CFAP47: variants seen among roughly 807,000 people sequenced by gnomAD.
CFAP47 encodes cilia- and flagella-associated protein 47.
CFAP47 carries 29 observed loss-of-function variants against 148.1 expected under a neutral mutation model. The ratio of observed to expected loss-of-function variants is 0.20; its 90% CI spans 0.15 to 0.27. The LOEUF (loss-of-function observed/expected upper bound fraction) is 0.27, where lower values mean the gene tolerates loss of function less well. CFAP47 is among the 10% of genes least tolerant of loss of function. CFAP47 has a pLI of 1.00. For missense variants in CFAP47, 1,872 were observed against 1,697.5 expected (o/e 1.10, Z -1.81); for synonymous variants, 664 against 577.3 (o/e 1.15, Z -2.15).
At chrX:36,307,176 T>G in intron 55 of CFAP47, among the ~76,000 whole-genome samples, 1 of 111,484 alleles carries the variant, frequency 9.0e-6, no homozygotes, top group Non-Finnish European at 1.9e-5. Flanking sequence ...CTGACTTGAG[T>G]TTTACTACTC....
rs955521517 is a variant in CFAP47 at position 36,376,066 on chromosome X, A to T, written c.9186-3284A>T. Among the ~76,000 whole-genome samples, 4 of 111,455 alleles carry T rather than the reference A, an allele frequency of 3.6e-5. No individual in the cohort carries two copies. The South Asian group carries it at 1.1e-3, about 31-fold the overall frequency. ...TCAGCTGCAGGAGCCAACTATGGACACTTCTGTGGAGGCAGAGGCCAGCTG... is the reference window on the plus strand; with the variant it reads ...TCAGCTGCAGGAGCCAACTATGGACTCTTCTGTGGAGGCAGAGGCCAGCTG... On this transcript the variant is annotated intron_variant, in intron 62 of 63. Coordinates refer to ENST00000378653, the MANE Select transcript of CFAP47 (RefSeq NM_001304548.2).
intron 49 of CFAP47, among the ~76,000 whole-genome samples, chrX:36,275,844 T>A (rs947122628): frequency 3.6e-5 from 4 of 111,164 alleles, no homozygotes; most frequent in Non-Finnish European, 5.7e-5. Flanking sequence ...GTTGGAAGGT[T>A]TTTTATTACT....
intron 1 of CFAP47, among the ~76,000 whole-genome samples, chrX:35,923,997 G>A (rs1347511434): frequency 1.4e-4 from 14 of 100,994 alleles, no homozygotes; most frequent in South Asian, 4.3e-4. Flanking sequence ...GTACATATAT[G>A]TGTATATGTG....
intron 39 of CFAP47, among the ~76,000 whole-genome samples, chrX:36,175,294 C>G (rs1939656174): frequency 8.9e-6 from 1 of 112,339 alleles, no homozygotes; most frequent in Non-Finnish European, 1.9e-5. Flanking sequence ...GCCTTCTTCT[C>G]TCAGCTCATC....
chrX:35,965,302 T>C lies in CFAP47; in HGVS notation c.1411-1263T>C, dbSNP rs1023899617. ...TCTCACAGCCTATATCAAGAGCCTCTGTATAAGTAAGTATGTTGGGGCATG... is the reference window on the plus strand; with the variant it reads ...TCTCACAGCCTATATCAAGAGCCTCCGTATAAGTAAGTATGTTGGGGCATG... On this transcript the variant is annotated intron_variant, in intron 8 of 63. Transcript: ENST00000378653. 2.7e-5 allele frequency among the ~76,000 whole-genome samples: 3 copies of C among 111,606 alleles called. No homozygotes were observed. The East Asian group carries it at 8.4e-4, about 31-fold the overall frequency.
At chrX:35,958,688 A>G (rs1484490605) in intron 8 of CFAP47, among the ~76,000 whole-genome samples, 1 of 111,858 alleles carries the variant, frequency 8.9e-6, no homozygotes, top group Non-Finnish European at 1.9e-5. Context: ...CTTTGGAGAA[A>G]TATTTATGCA....
In CFAP47 at chrX:36,175,792, G is replaced by A. The variant is rs749934317; in HGVS notation, c.6027-3553G>A. Among the ~76,000 whole-genome samples, 12 of 113,376 alleles carry A rather than the reference G, an allele frequency of 1.1e-4. No individual in the cohort carries two copies. The South Asian group carries it at 3.2e-3, about 30-fold the overall frequency. On this transcript the variant is annotated intron_variant, in intron 39 of 63. Transcript: ENST00000378653. ...TGCCCCCAGAGGTGGAGCCTACAGA[G>A]GCAGGCAGGCCTCCTTGAGCTGTGG...
intron 49 of CFAP47, among the ~76,000 whole-genome samples, chrX:36,260,928 G>A (rs1402996663): frequency 1.8e-5 from 2 of 110,958 alleles, no homozygotes; most frequent in African/African-American, 6.6e-5. Flanking sequence ...CATATGGCTA[G>A]ACAATTACCC....
chrX:36,026,478 CAATAT>C (rs781086862), intron 22 of CFAP47, among the ~76,000 whole-genome samples: 1 of 111,153 alleles, frequency 9.0e-6, no homozygotes, highest in Non-Finnish European at 1.9e-5. Flanking sequence ...TTCCAGTACA[CAATAT>C]AATATAATTA....
At chrX:36,054,147 T>C (rs1429425093) in intron 26 of CFAP47, among the ~76,000 whole-genome samples, 5 of 112,184 alleles carry the variant, frequency 4.5e-5, no homozygotes, top group African/African-American at 1.3e-4. Context: ...TGGATGCCCA[T>C]GCAGTCAACG....
intron 57 of CFAP47, among the ~76,000 whole-genome samples, chrX:36,346,648 C>T (rs886141451): frequency 9.0e-6 from 1 of 111,554 alleles, no homozygotes; most frequent in African/African-American, 3.3e-5. Flanking sequence ...GTACTTTATC[C>T]TCTGCAAAAT....
intron 49 of CFAP47, among the ~76,000 whole-genome samples, chrX:36,261,881 T>C: frequency 9.0e-6 from 1 of 110,593 alleles, no homozygotes; most frequent in East Asian, 2.9e-4. Context: ...GAGGGGCGCC[T>C]CACTTCCCAG....
At chrX:36,092,622 T>A (rs1382771921) in intron 30 of CFAP47, among the ~76,000 whole-genome samples, 2 of 110,273 alleles carry the variant, frequency 1.8e-5, no homozygotes, top group African/African-American at 3.3e-5. Context: ...ACTTTTATTT[T>A]TTTTTTTTAC....
chrX:36,089,666 T>A (rs1469040973), intron 30 of CFAP47, among the ~76,000 whole-genome samples: 1 of 111,395 alleles, frequency 9.0e-6, no homozygotes, highest in Non-Finnish European at 1.9e-5. Flanking sequence ...AAATTAAGGG[T>A]GATAATTCCA....
rs981337661 is a variant in CFAP47, at chrX:36,121,446, T to A, written c.5321-16512T>A. Among the ~76,000 whole-genome samples, 5 of 111,488 alleles carry A rather than the reference T, an allele frequency of 4.5e-5. No homozygotes were observed. In the Admixed American group the frequency reaches 4.8e-4, roughly 11 times the overall value. ...GTTTTTTGGTCTTCTCTTTCTTCTT[T>A]CTTTCCTTTTGGTCTTCTCTTAGCG... On this transcript the variant is annotated intron_variant, in intron 33 of 63. Coordinates refer to ENST00000378653, the MANE Select transcript of CFAP47 (RefSeq NM_001304548.2).
intron 2 of CFAP47, among the ~76,000 whole-genome samples, chrX:35,940,603 A>G (rs888349962): frequency 6.3e-5 from 7 of 111,114 alleles, no homozygotes; most frequent in Non-Finnish European, 1.3e-4. Flanking sequence ...CAGAGAAATC[A>G]TTATATATTA....
intron 33 of CFAP47, among the ~76,000 whole-genome samples, chrX:36,132,110 A>T (rs2146824866): frequency 9.0e-6 from 1 of 111,453 alleles, no homozygotes; most frequent in East Asian, 2.8e-4. Flanking sequence ...AAATTGACTA[A>T]TTTTTTCTAA....
chrX:36,305,671 G>A lies in CFAP47; in HGVS notation c.8083-1101G>A, dbSNP rs963329186. Among the ~76,000 whole-genome samples, 9 of 111,312 alleles carry A rather than the reference G, an allele frequency of 8.1e-5. No individual in the cohort carries two copies. In the East Asian group the frequency reaches 2.0e-3, roughly 24 times the overall value. Reference sequence around the variant, plus strand: ...TGATAATAAATGAAAAATATATAGAGAGAAATATCCATCTATTTATATCCA... The same window carrying A: ...TGATAATAAATGAAAAATATATAGAAAGAAATATCCATCTATTTATATCCA... On this transcript the variant is annotated intron_variant, in intron 54 of 63. Coordinates refer to ENST00000378653, the MANE Select transcript of CFAP47 (RefSeq NM_001304548.2).
intron 18 of CFAP47, among the ~76,000 whole-genome samples, chrX:35,994,048 G>T (rs959775214): frequency 9.0e-6 from 1 of 110,836 alleles, no homozygotes; most frequent in African/African-American, 3.3e-5. Flanking sequence ...AGATCACAAG[G>T]TCAGGAGATC....
Sources: allele counts gnomAD v4.1 joint callset (sites outside exome capture counted in the v4.1 genomes callset), GRCh38; gene constraint gnomAD v4.1.1; transcripts MANE v1.5; gene names NCBI Gene and HGNC (gene_info 2026-07-23, HGNC 2026-07-21).